Variants in HNRNPM observed in about 807,000 individuals in gnomAD.
HNRNPM encodes heterogeneous nuclear ribonucleoprotein M, also known as CEA receptor.
A neutral mutation model predicts 73.1 loss-of-function variants in HNRNPM; 11 were observed. That is an observed-to-expected ratio of 0.15 (90% CI 0.09 to 0.25). The LOEUF (loss-of-function observed/expected upper bound fraction) is 0.25, where lower values mean the gene tolerates loss of function less well. HNRNPM is among the 10% of genes least tolerant of loss of function. The pLI is 1.00. For missense variants in HNRNPM, 789 were observed against 1,067.9 expected (o/e 0.74, Z 3.64); for synonymous variants, 407 against 355.2 (o/e 1.15, Z -1.64).
chr19:8,486,655 G>C (rs1308319399), intron 14 of HNRNPM, among the ~76,000 whole-genome samples: 1 of 152,124 alleles, frequency 6.6e-6, no homozygotes, highest in Non-Finnish European at 1.5e-5. Context: ...GTTTCTGATT[G>C]GTTGGCTTGA....
At chr19:8,485,003 G>A (rs182074905) in intron 13 of HNRNPM, among the ~76,000 whole-genome samples, 2 of 152,024 alleles carry the variant, frequency 1.3e-5, no homozygotes, top group Admixed American at 1.3e-4. Flanking sequence ...CCAGCTGTGT[G>A]CATTTGTACA....
chr19:8,451,396 A>G (rs1968612894), intron 1 of HNRNPM, among the ~76,000 whole-genome samples: 1 of 152,348 alleles, frequency 6.6e-6, no homozygotes, highest in Middle Eastern at 3.4e-3. Flanking sequence ...ATACATATAC[A>G]TGGACTAGAG....
chr19:8,452,308 C>T (rs992037713), intron 1 of HNRNPM, among the ~76,000 whole-genome samples: 1 of 152,176 alleles, frequency 6.6e-6, no homozygotes, highest in African/African-American at 2.4e-5. Flanking sequence ...TATTGTAAAT[C>T]TTAAAGTATT....
intron 1 of HNRNPM, among the ~76,000 whole-genome samples, chr19:8,454,683 C>T (rs1432506488): frequency 4.8e-5 from 6 of 124,272 alleles, no homozygotes; most frequent in African/African-American, 1.1e-4. Flanking sequence ...GCCCCCCCCC[C>T]CTTTTTTTTT....
rs1969462416 is a variant in HNRNPM, at chr19:8,462,357, T to G, written c.284-172T>G. The G allele has an allele frequency of 3.2e-6, 2 of 616,058 alleles. No homozygotes were observed. Among genetic ancestry groups the G allele is most frequent in the Non-Finnish European group, 3.0e-6 (1 of 337,274 alleles). The allele number at this position is 616,058 out of a possible 1,614,324, so 38.2% of individuals were successfully genotyped here. A position where few individuals can be genotyped will look rare whatever the true frequency, so the allele number is the denominator to read the frequency against. On this transcript the variant is annotated intron_variant, in intron 2 of 15. Coordinates refer to ENST00000325495, the MANE Select transcript of HNRNPM (RefSeq NM_005968.5). The surrounding 1 kb of genome is among the most constrained non-coding windows in gnomAD (Gnocchi z 4.5). Reference sequence around the variant, plus strand: ...TATTGTTAACGTGTTTTCACCTACTTTTACTGCACACCTGTAATGCCTAGT... The same window carrying G: ...TATTGTTAACGTGTTTTCACCTACTGTTACTGCACACCTGTAATGCCTAGT...
intron 15 of HNRNPM, 134 bp from the exon 16 acceptor site, chr19:8,488,556 CG>C (rs1971484022): frequency 1.5e-6 from 1 of 672,346 alleles, no homozygotes; most frequent in Non-Finnish European, 2.4e-6. Flanking sequence ...CTGAGGGGGC[CG>C]TAGTCATTGG....
chr19:8,461,245 G>A (rs116823451), intron 2 of HNRNPM, among the ~76,000 whole-genome samples: 1,688 of 152,264 alleles, frequency 0.011, 35 homozygotes, highest in African/African-American at 0.038. Flanking sequence ...TAATAAATAT[G>A]TCCTTCAGAT....
intron 12 of HNRNPM, among the ~76,000 whole-genome samples, chr19:8,475,435 AT>A (rs1970432386): frequency 6.6e-6 from 1 of 152,222 alleles, no homozygotes; most frequent in African/African-American, 2.4e-5. Context: ...GTCATTAGGG[AT>A]TTAGGTATAA....
rs565960412 is a variant in HNRNPM at position 8,451,287 on chromosome 19, C to G, written c.114-4118C>G. Reference sequence around the variant, plus strand: ...TGAACTCCTGACCTCAGGTGATCTGCCCGCCTCGGCCCCCCAAGGTGTTGG... The same window carrying G: ...TGAACTCCTGACCTCAGGTGATCTGGCCGCCTCGGCCCCCCAAGGTGTTGG... On this transcript the variant is annotated intron_variant, in intron 1 of 15. Coordinates refer to ENST00000325495, the MANE Select transcript of HNRNPM (RefSeq NM_005968.5). Among the ~76,000 whole-genome samples, 4 of 152,210 alleles carry G rather than the reference C, an allele frequency of 2.6e-5. No individual in the cohort carries two copies. The East Asian group carries it at 7.7e-4, about 29-fold the overall frequency.
intron 15 of HNRNPM, 94 bp from the exon 16 acceptor site, chr19:8,488,597 C>A: frequency 8.9e-7 from 1 of 1,126,858 alleles, no homozygotes; most frequent in South Asian, 1.5e-5. Context: ...AGCCTTTGTG[C>A]TCTAGGCTTC....
intron 1 of HNRNPM, among the ~76,000 whole-genome samples, chr19:8,445,892 T>G (rs1042465535): frequency 6.6e-6 from 1 of 152,258 alleles, no homozygotes; most frequent in African/African-American, 2.4e-5. Context: ...GGGAAGCTGT[T>G]CTGTCAGGAG....
At chr19:8,484,859 G>A (rs754258929) in intron 13 of HNRNPM, among the ~76,000 whole-genome samples, 13 of 152,266 alleles carry the variant, frequency 8.5e-5, no homozygotes, top group African/African-American at 2.9e-4. Flanking sequence ...CAAGCACCAC[G>A]GGTGGGGGCG....
At chr19:8,467,630 A>G in intron 8 of HNRNPM, 46 bp downstream of exon 8, 1 of 1,350,414 alleles carries the variant, frequency 7.4e-7, no homozygotes, top group Non-Finnish European at 1.1e-6. Flanking sequence ...AGTCTAGCAA[A>G]AACATGGAAT....
intron 12 of HNRNPM, among the ~76,000 whole-genome samples, chr19:8,481,144 C>T (rs1293703175): frequency 6.6e-6 from 1 of 152,188 alleles, no homozygotes. Flanking sequence ...CTTTGCACTC[C>T]TTTGTGCAAA....
At chr19:8,482,301 T>C (rs1273064243) in intron 12 of HNRNPM, among the ~76,000 whole-genome samples, 2 of 152,166 alleles carry the variant, frequency 1.3e-5, no homozygotes, top group African/African-American at 4.8e-5. Flanking sequence ...TAAAGCGAAA[T>C]GTGCCTCGTG....
At chr19:8,470,494 T>TG (rs1015789078) in intron 9 of HNRNPM, among the ~76,000 whole-genome samples, 16 of 150,438 alleles carry the variant, frequency 1.1e-4, no homozygotes, top group African/African-American at 3.2e-4. Context: ...CCAGGCTAAT[T>TG]TTTTTTTTTT....
intron 13 of HNRNPM, among the ~76,000 whole-genome samples, chr19:8,484,600 C>A (rs528566842): frequency 1.3e-5 from 2 of 152,226 alleles, no homozygotes; most frequent in Non-Finnish European, 2.9e-5. Flanking sequence ...CTGCTTTGGC[C>A]GCTCACTGTG....
intron 12 of HNRNPM, among the ~76,000 whole-genome samples, chr19:8,477,913 A>G (rs886735489): frequency 7.2e-5 from 11 of 152,192 alleles, no homozygotes; most frequent in African/African-American, 2.7e-4. Flanking sequence ...ACCTTGGTCA[A>G]GTTACTAAAT....
chr19:8,486,033 A>G lies in HNRNPM; in HGVS notation c.1605A>G (p.Ala535=), dbSNP rs573501491. The G allele has an allele frequency of 5.0e-6, 8 of 1,602,228 alleles. No homozygotes were observed. The East Asian group carries it at 1.6e-4, about 31-fold the overall frequency. ...MGLSMERMVP[A]GMGAGLERMG... The stretch of plus-strand genomic sequence containing the variant: ...TGAGCATGGAGCGCATGGTGCCCGC[A>G]GGTATGGGAGCTGGCCTGGAGCGCA... Residue 535 remains alanine (A), a synonymous_variant, in exon 14 of 16, where the codon GCA becomes GCG. Coordinates refer to ENST00000325495, the MANE Select transcript of HNRNPM (RefSeq NM_005968.5).
Sources: gnomAD v4.1 joint callset for allele counts (sites outside exome capture counted in the v4.1 genomes callset) on GRCh38, gnomAD v4.1.1 for gene constraint, Gnocchi (gnomAD v3.1) non-coding constraint, MANE v1.5 for transcripts, NCBI Gene and HGNC (gene_info 2026-07-23, HGNC 2026-07-21) for gene names.